MYO1D: variants seen among roughly 807,000 people sequenced by gnomAD.
MYO1D encodes unconventional myosin-Id.
Under a neutral mutation model 122.0 loss-of-function variants are expected in MYO1D, and 83 were observed. The observed-to-expected ratio is 0.68, with a 90% confidence interval of 0.57 to 0.82. The LOEUF (loss-of-function observed/expected upper bound fraction) is 0.82. Among genes scored for constraint, MYO1D ranks in the 40% least tolerant of loss-of-function variants. MYO1D has a pLI of 0.00. For missense variants in MYO1D, 1,157 were observed against 1,269.5 expected (o/e 0.91, Z 1.35); for synonymous variants, 464 against 446.9 (o/e 1.04, Z -0.48).
chr17:32,665,040 G>T (rs1439417654), intron 16 of MYO1D, among the ~76,000 whole-genome samples: 1 of 152,064 alleles, frequency 6.6e-6, no homozygotes, highest in African/African-American at 2.4e-5. Context: ...GCATCCTCTT[G>T]TCTCAGGGCT....
chr17:32,551,699 A>C (rs2087016516), intron 21 of MYO1D, among the ~76,000 whole-genome samples: 1 of 152,102 alleles, frequency 6.6e-6, no homozygotes. Context: ...AGAACACACC[A>C]ATCAGCACGC....
At chr17:32,802,336 T>A (rs375743788) in intron 1 of MYO1D, among the ~76,000 whole-genome samples, 1 of 152,250 alleles carries the variant, frequency 6.6e-6, no homozygotes, top group Non-Finnish European at 1.5e-5. Context: ...ACAGTTTGGA[T>A]GCAGAGACAA....
intron 21 of MYO1D, among the ~76,000 whole-genome samples, chr17:32,530,888 C>T (rs1376419806): frequency 2.6e-5 from 4 of 151,966 alleles, no homozygotes; most frequent in African/African-American, 9.7e-5. Context: ...TCTTTTAGTT[C>T]TCTGTCCTCA....
chr17:32,760,598 G>A lies in MYO1D; in HGVS notation c.1065C>T (p.Ile355=), dbSNP rs147504723. Residue 355 remains isoleucine, a synonymous_variant, in exon 9 of 22, where the codon ATC becomes ATT. Transcript: ENST00000318217. The part of the protein sequence containing the change: ...KAIYERLFCW[I]VTRINDIIEV... ...CAATAATATCATTGATGCGAGTAAC[G>A]ATCCAACAAAAAAGGCGCTCATATA... is the stretch of plus-strand genomic sequence containing the variant. 13 of 1,609,688 alleles carry A rather than the reference G, an allele frequency of 8.1e-6. No homozygotes were observed. The highest frequency in any genetic ancestry group is 2.7e-5 in the African/African-American group (2 of 74,652).
intron 20 of MYO1D, among the ~76,000 whole-genome samples, chr17:32,605,478 C>CT (rs34734795): frequency 0.2 from 6,918 of 35,108 alleles, 201 homozygotes; most frequent in Middle Eastern, 0.36. Context: ...TGCTCAGTGA[C>CT]CCCCTGACTT....
At chr17:32,637,755 A>AGGTG (rs1353956864) in intron 20 of MYO1D, among the ~76,000 whole-genome samples, 1 of 152,158 alleles carries the variant, frequency 6.6e-6, no homozygotes, top group Non-Finnish European at 1.5e-5. Context: ...AAAGGAAAAA[A>AGGTG]GGTGTGTGTG....
chr17:32,517,593 T>A (rs1200665448), intron 21 of MYO1D, among the ~76,000 whole-genome samples: 5 of 152,204 alleles, frequency 3.3e-5, no homozygotes, highest in Non-Finnish European at 5.9e-5. Context: ...AATGTCGCGT[T>A]GTTAAAGCTC....
intron 14 of MYO1D, among the ~76,000 whole-genome samples, chr17:32,724,908 G>A (rs981353540): frequency 8.6e-5 from 13 of 151,964 alleles, no homozygotes; most frequent in Admixed American, 5.9e-4. Flanking sequence ...TATTTCTGCA[G>A]ATAATTTTGC....
chr17:32,551,152 G>A (rs225188), intron 21 of MYO1D, among the ~76,000 whole-genome samples: 100,916 of 151,986 alleles, frequency 0.66, 34,424 homozygotes, highest in African/African-American at 0.82. Context: ...AGCTGATAAT[G>A]AATGACTTCT....
intron 16 of MYO1D, among the ~76,000 whole-genome samples, chr17:32,674,413 A>G (rs1455305952): frequency 1.3e-5 from 2 of 152,206 alleles, no homozygotes; most frequent in African/African-American, 2.4e-5. Context: ...GATAAACACT[A>G]TATTTGATTT....
intron 21 of MYO1D, among the ~76,000 whole-genome samples, chr17:32,532,650 T>C (rs886264782): frequency 5.8e-5 from 8 of 138,246 alleles, no homozygotes; most frequent in Non-Finnish European, 1.1e-4. Flanking sequence ...GGCGTGAACC[T>C]GGGAGGCGGA....
chr17:32,832,710 A>C (rs959244807), intron 1 of MYO1D, among the ~76,000 whole-genome samples: 1 of 152,232 alleles, frequency 6.6e-6, no homozygotes, highest in Non-Finnish European at 1.5e-5. Flanking sequence ...CAGCTGCATT[A>C]AAATGGCGAA....
intron 21 of MYO1D, among the ~76,000 whole-genome samples, chr17:32,514,319 C>T (rs1909811161): frequency 1.3e-5 from 2 of 150,742 alleles, no homozygotes; most frequent in Admixed American, 1.3e-4. Flanking sequence ...TCTTGAACTC[C>T]TGGGCTCAAG....
intron 14 of MYO1D, among the ~76,000 whole-genome samples, chr17:32,724,217 C>T (rs1378201081): frequency 1.3e-5 from 2 of 152,178 alleles, no homozygotes; most frequent in African/African-American, 2.4e-5. Flanking sequence ...GCACTGAGCA[C>T]AGTAAATGCC....
At chr17:32,554,714 A>T (rs1429131459) in intron 21 of MYO1D, among the ~76,000 whole-genome samples, 3 of 152,230 alleles carry the variant, frequency 2.0e-5, no homozygotes, top group Non-Finnish European at 4.4e-5. Context: ...ATTAGTAACC[A>T]AATCATAAAC....
At chr17:32,638,700 G>C (rs753609943) in intron 20 of MYO1D, 22 bp downstream of exon 20, 2 of 1,524,824 alleles carry the variant, frequency 1.3e-6, no homozygotes, top group East Asian at 4.5e-5. Flanking sequence ...TCTTTATCCA[G>C]AGAGAAGCAC....
chr17:32,682,319 G>A lies in MYO1D; in HGVS notation c.2122-22981C>T, dbSNP rs1164696394. ...ATGATGTTAGCTGATGATTTTGCTC[G>A]TTAGTTGATGCAGTTTCTTCCTAGT... On this transcript the variant is annotated intron_variant, in intron 16 of 21. Transcript: ENST00000318217. Among the ~76,000 whole-genome samples the A allele has an allele frequency of 3.7e-3, 555 of 151,192 alleles. 5 individuals carry two copies. The highest frequency in any genetic ancestry group is 0.013 in the African/African-American group (515 of 41,066).
intron 19 of MYO1D, among the ~76,000 whole-genome samples, chr17:32,640,539 T>C (rs944156561): frequency 5.9e-5 from 8 of 136,040 alleles, no homozygotes; most frequent in Non-Finnish European, 9.2e-5. Context: ...TGTGATCTCA[T>C]TGTTCAATTC....
At chr17:32,639,556 A>G (rs1002386186) in intron 19 of MYO1D, among the ~76,000 whole-genome samples, 1 of 152,008 alleles carries the variant, frequency 6.6e-6, no homozygotes, top group Non-Finnish European at 1.5e-5. Flanking sequence ...TTTTAAAAAG[A>G]TGAGGGTCTC....
Sources: gnomAD v4.1 joint callset for allele counts (sites outside exome capture counted in the v4.1 genomes callset) on GRCh38, gnomAD v4.1.1 for gene constraint, MANE v1.5 for transcripts, NCBI Gene and HGNC (gene_info 2026-07-23, HGNC 2026-07-21) for gene names.